Variants in COL27A1 observed in about 807,000 individuals in gnomAD.
The protein encoded by COL27A1 is collagen alpha-1(XXVII) chain.
Under a neutral mutation model 251.3 loss-of-function variants are expected in COL27A1, and 106 were observed. The observed-to-expected ratio is 0.42, with a 90% CI of 0.36 to 0.50. The LOEUF (loss-of-function observed/expected upper bound fraction) is 0.50, where lower values mean the gene tolerates loss of function less well. Ranked by LOEUF, COL27A1 falls within the 20% of genes least tolerant of loss-of-function variation. The pLI is 0.00. For missense variants in COL27A1, 2,325 were observed against 2,522.8 expected, an observed-to-expected ratio of 0.92 and a Z score of 1.68; for synonymous variants, 1,000 against 986.3, an observed-to-expected ratio of 1.01 and a Z score of -0.26.
intron 57 of COL27A1, among the ~76,000 whole-genome samples, chr9:114,304,897 A>G (rs1731973937): frequency 6.6e-6 from 1 of 152,232 alleles, no homozygotes; most frequent in South Asian, 2.1e-4. Flanking sequence ...GGCCAGAAAC[A>G]GGCCCTGAAC....
chr9:114,225,568 G>GA (rs928225067), intron 14 of COL27A1, among the ~76,000 whole-genome samples: 4 of 152,128 alleles, frequency 2.6e-5, no homozygotes, highest in African/African-American at 9.7e-5. Context: ...TGTGCCTGGG[G>GA]AAAAAAACTG....
chr9:114,259,751 G>A (rs1357254610), intron 28 of COL27A1, among the ~76,000 whole-genome samples: 1 of 152,218 alleles, frequency 6.6e-6, no homozygotes, highest in African/African-American at 2.4e-5. Context: ...GTATACAGGC[G>A]TGGGGCCGTG....
upstream of COL27A1, among the ~76,000 whole-genome samples, chr9:114,155,365 G>C (rs879575049): frequency 6.6e-6 from 1 of 152,260 alleles, no homozygotes; most frequent in Non-Finnish European, 1.5e-5. This position sits in a 1 kb window ranked among gnomAD's most constrained non-coding sequence, Gnocchi z 5.5. Context: ...CAAGGAGGAG[G>C]GGGGCGGGTG....
intron 36 of COL27A1, 166 bp downstream of exon 36, chr9:114,270,947 C>A: frequency 1.6e-6 from 1 of 614,304 alleles, no homozygotes; most frequent in Non-Finnish European, 2.9e-6. Flanking sequence ...TGTCCAGCAG[C>A]CACCTCCCAC....
chr9:114,261,877 G>A (rs1045968329), intron 28 of COL27A1, among the ~76,000 whole-genome samples: 1 of 152,218 alleles, frequency 6.6e-6, no homozygotes, highest in African/African-American at 2.4e-5. Context: ...TGTGAAAGGA[G>A]GATAACAGCT....
chr9:114,182,247 A>G (rs2135170512), intron 4 of COL27A1, among the ~76,000 whole-genome samples: 1 of 151,546 alleles, frequency 6.6e-6, no homozygotes, highest in South Asian at 2.1e-4. Context: ...TTAGTGGCCC[A>G]TGCTTGGAGT....
chr9:114,283,626 G>A (rs537565870), intron 39 of COL27A1, 83 bp from the exon 40 acceptor site: 157 of 1,303,498 alleles, frequency 1.2e-4, no homozygotes, highest in Non-Finnish European at 1.6e-4. Context: ...TGGGCGGAGC[G>A]GGGCTGGAGC....
intron 13 of COL27A1, among the ~76,000 whole-genome samples, chr9:114,220,189 G>T (rs534517333): frequency 1.6e-3 from 242 of 152,324 alleles, no homozygotes; most frequent in African/African-American, 5.2e-3. Context: ...ATGTTTATGG[G>T]CCGGCAGAGG....
In COL27A1 at chr9:114,301,486, T is replaced by TGTGGGGCGGGGC. The variant is rs1337149041; in HGVS notation, c.4809+35_4809+46dup. ...GGGTGAGTGGGCTGGGCATGAGGGCTGTGGGGCGGGGCGTGGGGCGGGCAC... is the reference window on the plus strand; with the variant it reads ...GGGTGAGTGGGCTGGGCATGAGGGCTGTGGGGCGGGGCGTGGGGCGGGGCGTGGGGCGGGCAC... On this transcript the variant is annotated intron_variant, in intron 54 of 60. Coordinates refer to ENST00000356083, the MANE Select transcript of COL27A1 (RefSeq NM_032888.4). 6.1e-6 allele frequency: 9 copies of TGTGGGGCGGGGC among 1,467,474 alleles called. No homozygotes were observed. The East Asian group carries it at 7.6e-5, about 12-fold the overall frequency. The allele number at this position is 1,467,474 out of a possible 1,614,324, so 90.9% of individuals were successfully genotyped here. A position where few individuals can be genotyped will look rare whatever the true frequency, so the allele number is the denominator to read the frequency against.
chr9:114,225,706 T>C (rs1336389806), intron 14 of COL27A1, among the ~76,000 whole-genome samples: 1 of 152,234 alleles, frequency 6.6e-6, no homozygotes, highest in African/African-American at 2.4e-5. Context: ...ATTCCATGTA[T>C]TGATAATCAT....
intron 3 of COL27A1, among the ~76,000 whole-genome samples, chr9:114,174,071 G>A (rs916802729): frequency 6.6e-6 from 1 of 151,890 alleles, no homozygotes; most frequent in Non-Finnish European, 1.5e-5. Context: ...TCCGCCTCCT[G>A]GGTTCAAGCA....
intron 31 of COL27A1, 88 bp from the exon 32 acceptor site, chr9:114,265,334 C>A: frequency 7.1e-7 from 1 of 1,406,610 alleles, no homozygotes; most frequent in Non-Finnish European, 9.9e-7. Context: ...GGAGGGGACC[C>A]AAATACACTA....
Position 114,306,708 on chromosome 9 carries a change from G to A in COL27A1, c.5107+20G>A. The A allele has an allele frequency of 6.2e-7, 1 of 1,607,828 alleles. No homozygotes were observed. The highest frequency in any genetic ancestry group is 8.5e-7 in the Non-Finnish European group (1 of 1,177,380). ...TGGATGGTGAGAAGGCTTCCTGCCG[G>A]GGGTGGGTGCGCCTGGCGGTGGGGA... On this transcript the variant is annotated intron_variant, in intron 58 of 60. Coordinates refer to ENST00000356083, the MANE Select transcript of COL27A1 (RefSeq NM_032888.4).
intron 27 of COL27A1, among the ~76,000 whole-genome samples, chr9:114,254,786 A>G (rs1394090027): frequency 6.6e-6 from 1 of 152,348 alleles, no homozygotes; most frequent in South Asian, 2.1e-4. Flanking sequence ...GTGTGCTAGC[A>G]TAAGCTCCTC....
At chr9:114,245,023 C>T in intron 23 of COL27A1, among the ~76,000 whole-genome samples, 1 of 152,126 alleles carries the variant, frequency 6.6e-6, no homozygotes, top group East Asian at 1.9e-4. Context: ...GGACTCACCC[C>T]AGCCACCCGT....
At chr9:114,248,556 C>A (rs1833305821) in intron 24 of COL27A1, among the ~76,000 whole-genome samples, 1 of 152,220 alleles carries the variant, frequency 6.6e-6, no homozygotes, top group South Asian at 2.1e-4. Context: ...CCTAGAGGAG[C>A]CAGCCATGCC....
chr9:114,290,051 T>A lies in COL27A1; in HGVS notation c.4207-7T>A. The A allele has an allele frequency of 6.2e-7, 1 of 1,611,616 alleles. No homozygotes were observed. Among genetic ancestry groups the A allele is most frequent in the Non-Finnish European group, 8.5e-7 (1 of 1,179,980 alleles). ...CAGCCTCCATCATGTGGCCCTTGAT[T>A]TTTCAGGGACCAAAGGGAAAGCAAG... On this transcript the variant is annotated splice_polypyrimidine_tract_variant and splice_region_variant and intron_variant, in intron 45 of 60. Transcript: ENST00000356083. The surrounding 1 kb of genome is among the most constrained non-coding windows in gnomAD (Gnocchi z 4.6).
chr9:114,242,053 C>T (rs887545163), intron 21 of COL27A1, 134 bp from the exon 22 acceptor site: 1 of 701,874 alleles, frequency 1.4e-6, no homozygotes, highest in African/African-American at 1.8e-5. Context: ...GCAGGTGGGC[C>T]AGGCGTGCTG....
rs141851211 is a variant in COL27A1 at position 114,171,114 on chromosome 9, T to A, written c.1908+1651T>A. Among the ~76,000 whole-genome samples the A allele has an allele frequency of 5.5e-3, 834 of 152,234 alleles. 6 individuals are homozygous for A. The highest frequency in any genetic ancestry group is 0.019 in the African/African-American group (803 of 41,544). On this transcript the variant is annotated intron_variant, in intron 3 of 60. Transcript: ENST00000356083. ...TTTTCCTGGGGCTTGGGGCTCTGGG[T>A]CAGCAGGAAGCGAGGCCTCCTTCCA...
Sources: gnomAD v4.1 joint callset for allele counts (sites outside exome capture counted in the v4.1 genomes callset) on GRCh38, gnomAD v4.1.1 for gene constraint, Gnocchi (gnomAD v3.1) non-coding constraint, MANE v1.5 for transcripts, NCBI Gene and HGNC (gene_info 2026-07-23, HGNC 2026-07-21) for gene names.